ZNF100: variants seen among roughly 807,000 people sequenced by gnomAD.
ZNF100 encodes the protein zinc finger protein 100 (Y1).
ZNF100 carries 12 observed loss-of-function variants against 15.8 expected under a neutral mutation model. That is an observed-to-expected ratio of 0.76 (90% CI 0.49 to 1.23). ZNF100 has a LOEUF of 1.23. Ranked by LOEUF, ZNF100 falls within the 50% of genes most tolerant of loss-of-function variation. The pLI, the probability that ZNF100 is intolerant of heterozygous loss-of-function variation, is 0.00. For synonymous variants in ZNF100, 226 were observed against 214.8 expected (o/e 1.05, Z -0.45); for missense variants, 670 against 635.6 (o/e 1.05, Z -0.58).
At chr19:21,732,760 G>T (rs952843316) in intron 4 of ZNF100, among the ~76,000 whole-genome samples, 4 of 151,830 alleles carry the variant, frequency 2.6e-5, no homozygotes, top group African/African-American at 9.7e-5. Flanking sequence ...AAGTAATACA[G>T]AGGTAACTTG....
chr19:21,727,369 T>C lies in ZNF100; in HGVS notation c.943A>G (p.Lys315Glu), dbSNP rs777561877. ...CCACATTCTGTACATTTGTAGGGTTTCACTCCAGTATGAATTCTTTTATGT... is the reference window on the plus strand; with the variant it reads ...CCACATTCTGTACATTTGTAGGGTTCCACTCCAGTATGAATTCTTTTATGT... ...TTHKRIHTGV[K>E]PYKCTECGKA... The change falls in exon 5 of 5, where the codon AAA becomes GAA. Residue 315 changes from lysine to glutamate, a missense_variant. Lys to Glu is a moderately conservative substitution (Grantham distance 56, BLOSUM62 1). Transcript: ENST00000358296. 6.2e-7 allele frequency: 1 copy of C among 1,613,006 alleles called. No homozygotes were observed. Among genetic ancestry groups the C allele is most frequent in the Non-Finnish European group, 8.5e-7 (1 of 1,179,758 alleles).
intron 4 of ZNF100, among the ~76,000 whole-genome samples, chr19:21,735,798 AT>A (rs1200312423): frequency 6.6e-6 from 1 of 150,644 alleles, no homozygotes; most frequent in Non-Finnish European, 1.5e-5. Context: ...CGCTTGATTG[AT>A]TTTTTTTGAG....
At position 21,727,191 on chromosome 19, in the gene ZNF100, T is replaced by A; in HGVS notation, c.1121A>T (p.Lys374Ile). ...AAAAGCTTTGCCACATTCTTCACAT[T>A]TGTAAGGTTTCTCTCCAGCATGAGT... ...KITHAGEKPY[K>I]CEECGKAFYR... Residue 374 changes from lysine to isoleucine, a missense_variant, in exon 5 of 5, where the codon AAA (lysine) becomes ATA (isoleucine). By Grantham distance (102) the Lys-to-Ile change is moderately radical. Transcript: ENST00000358296. The A allele has an allele frequency of 6.2e-7, 1 of 1,613,826 alleles. No individual in the cohort carries two copies. Among genetic ancestry groups the A allele is most frequent in the Admixed American group, 1.7e-5 (1 of 59,984 alleles).
At chr19:21,750,674 GC>G in intron 2 of ZNF100, 1 of 235,414 alleles carries the variant, frequency 4.2e-6, no homozygotes, top group African/African-American at 2.3e-5. Context: ...GGAGGCCGGA[GC>G]CCTGCCCGGG....
At chr19:21,762,134 T>C (rs145392585) in intron 2 of ZNF100, among the ~76,000 whole-genome samples, 3 of 152,058 alleles carry the variant, frequency 2.0e-5, no homozygotes, top group East Asian at 3.9e-4. Flanking sequence ...GCCAAGATCA[T>C]GCCACTGCAC....
At chr19:21,747,268 A>C (rs2145722813) in intron 2 of ZNF100, among the ~76,000 whole-genome samples, 1 of 152,212 alleles carries the variant, frequency 6.6e-6, no homozygotes, top group Non-Finnish European at 1.5e-5. Flanking sequence ...TTCTGGCCTC[A>C]CCTTAGAGTC....
Position 21,727,093 on chromosome 19 carries a change from C to T in ZNF100, c.1219G>A (p.Gly407Ser), listed in dbSNP as rs761719206. 5.6e-6 allele frequency: 9 copies of T among 1,613,290 alleles called. No individual in the cohort carries two copies. Among genetic ancestry groups the T allele is most frequent in the African/African-American group, 1.3e-5 (1 of 74,680 alleles). The change falls in exon 5 of 5, where the codon GGC becomes AGC. Residue 407 changes from glycine (G) to serine (S), a missense_variant. Physicochemically the swap from Gly to Ser is moderately conservative, Grantham distance 56. Transcript: ENST00000358296. The part of the protein sequence containing the change: ...GEKFYKCEEC[G>S]KGFNWSSALT... ...GCTGAGGACCAGTTAAAGCCTTTGC[C>T]GCATTCTTCACATTTGTAGAATTTC...
intron 2 of ZNF100, among the ~76,000 whole-genome samples, chr19:21,760,446 G>A (rs893176197): frequency 2.0e-5 from 3 of 151,748 alleles, no homozygotes; most frequent in Admixed American, 6.6e-5. Flanking sequence ...AGTGAGCCAA[G>A]ATTGCACCAC....
At chr19:21,745,128 T>C in intron 2 of ZNF100, 61 bp from the exon 3 acceptor site, 1 of 1,545,774 alleles carries the variant, frequency 6.5e-7, no homozygotes, top group Non-Finnish European at 8.7e-7. Context: ...GCAGAATTTA[T>C]TATTTGAATT....
At chr19:21,728,411 G>T (rs1324100611) in intron 4 of ZNF100, among the ~76,000 whole-genome samples, 2 of 152,074 alleles carry the variant, frequency 1.3e-5, no homozygotes, top group Non-Finnish European at 2.9e-5. Context: ...GAAATATAAT[G>T]CTGAAAGAAA....
At chr19:21,756,912 T>C (rs964720457) in intron 2 of ZNF100, among the ~76,000 whole-genome samples, 1 of 152,042 alleles carries the variant, frequency 6.6e-6, no homozygotes, top group South Asian at 2.1e-4. Context: ...TGCAACACAA[T>C]AGAGAGGCCA....
chr19:21,738,942 C>T (rs1190975995), intron 4 of ZNF100, among the ~76,000 whole-genome samples: 1 of 152,022 alleles, frequency 6.6e-6, no homozygotes, highest in Non-Finnish European at 1.5e-5. Context: ...GAAACTCCAT[C>T]TCAAAAAAAT....
intron 2 of ZNF100, among the ~76,000 whole-genome samples, chr19:21,758,582 T>C (rs887322703): frequency 6.6e-6 from 1 of 152,138 alleles, no homozygotes; most frequent in Non-Finnish European, 1.5e-5. Flanking sequence ...AGAAAACAGG[T>C]TGCTGCTGCA....
intron 3 of ZNF100, 107 bp from the exon 4 acceptor site, chr19:21,744,222 T>G (rs2145717513): frequency 2.9e-6 from 3 of 1,019,876 alleles, no homozygotes; most frequent in South Asian, 6.2e-5. Context: ...AAATTAATCC[T>G]AACGTACTAA....
chr19:21,730,904 G>A lies in ZNF100; in HGVS notation c.323-2915C>T, dbSNP rs1372324526. Among the ~76,000 whole-genome samples the A allele has an allele frequency of 2.0e-5, 3 of 152,130 alleles. No homozygotes were observed. The East Asian group carries it at 5.8e-4, about 29-fold the overall frequency. On this transcript the variant is annotated intron_variant, in intron 4 of 4. Transcript: ENST00000358296. ...ACTCTTGAGCATGCTCCTGTTCAAA[G>A]ATAGAAATAATAGATATTTTGAAAA...
chr19:21,733,349 T>A (rs991317337), intron 4 of ZNF100, among the ~76,000 whole-genome samples: 2 of 152,200 alleles, frequency 1.3e-5, no homozygotes, highest in African/African-American at 4.8e-5. Flanking sequence ...TTGTACTTAA[T>A]TGAAGGTGTG....
intron 2 of ZNF100, among the ~76,000 whole-genome samples, chr19:21,764,426 G>A (rs925311119): frequency 3.3e-5 from 5 of 152,012 alleles, no homozygotes; most frequent in Admixed American, 6.6e-5. Context: ...GGCAGATCGC[G>A]AGGTTAGGAG....
At chr19:21,728,761 G>T (rs2035860782) in intron 4 of ZNF100, among the ~76,000 whole-genome samples, 1 of 151,042 alleles carries the variant, frequency 6.6e-6, no homozygotes, top group East Asian at 1.9e-4. Context: ...AGGCAATATG[G>T]TTCCATAAAA....
chr19:21,764,917 T>G (rs138808694), intron 2 of ZNF100, among the ~76,000 whole-genome samples: 216 of 152,274 alleles, frequency 1.4e-3, no homozygotes, highest in Middle Eastern at 3.4e-3. Flanking sequence ...CATTTTCTTG[T>G]GGAAATGTAT....
Sources: allele counts gnomAD v4.1 joint callset (sites outside exome capture counted in the v4.1 genomes callset), GRCh38; gene constraint gnomAD v4.1.1; transcripts MANE v1.5; gene names NCBI Gene and HGNC (gene_info 2026-07-23, HGNC 2026-07-21).